PPFIA2: variants seen among roughly 807,000 people sequenced by gnomAD.
PPFIA2 encodes liprin-alpha-2.
PPFIA2 carries 46 observed loss-of-function variants against 175.5 expected under a neutral mutation model. The observed-to-expected ratio is 0.26, with a 90% CI of 0.21 to 0.34. The LOEUF is 0.34. PPFIA2 is among the 10% of genes least tolerant of loss of function. PPFIA2 has a pLI of 1.00. For synonymous variants in PPFIA2, 568 were observed against 511.4 expected (o/e 1.11, Z -1.49); for missense variants, 1,179 against 1,506.1 (o/e 0.78, Z 3.60).
At chr12:81,738,788 A>C (rs926287770) in intron 3 of PPFIA2, among the ~76,000 whole-genome samples, 3 of 151,976 alleles carry the variant, frequency 2.0e-5, no homozygotes. Flanking sequence ...TTAAAGAGAA[A>C]GATTATCAGT....
chr12:81,671,823 T>G (rs1192720351), intron 4 of PPFIA2, among the ~76,000 whole-genome samples: 1 of 152,004 alleles, frequency 6.6e-6, no homozygotes, highest in Non-Finnish European at 1.5e-5. Context: ...CCCCCATCAC[T>G]TGGCGAACTT....
chr12:81,375,051 G>A (rs1021969554), intron 10 of PPFIA2, among the ~76,000 whole-genome samples: 5 of 152,110 alleles, frequency 3.3e-5, no homozygotes. Flanking sequence ...ATATAGCTCA[G>A]TACTAAGACA....
At chr12:81,461,164 T>C (rs2054473201) in intron 4 of PPFIA2, among the ~76,000 whole-genome samples, 1 of 152,076 alleles carries the variant, frequency 6.6e-6, no homozygotes, top group African/African-American at 2.4e-5. Context: ...ATAGCAACTA[T>C]TAATACCACT....
chr12:81,648,768 C>CT (rs1421327075), intron 4 of PPFIA2, among the ~76,000 whole-genome samples: 2 of 151,578 alleles, frequency 1.3e-5, no homozygotes. Flanking sequence ...AATAATGACT[C>CT]TATTATTGGC....
At chr12:81,671,166 T>C (rs2071336854) in intron 4 of PPFIA2, among the ~76,000 whole-genome samples, 1 of 151,840 alleles carries the variant, frequency 6.6e-6, no homozygotes, top group Non-Finnish European at 1.5e-5. Context: ...ATCTCGTTGG[T>C]TTCTTGTCAC....
chr12:81,583,289 A>T (rs2074688725), intron 4 of PPFIA2, among the ~76,000 whole-genome samples: 2 of 151,842 alleles, frequency 1.3e-5, no homozygotes, highest in African/African-American at 2.4e-5. Flanking sequence ...AAGCCATTTG[A>T]TGTAAATTGT....
intron 22 of PPFIA2, among the ~76,000 whole-genome samples, chr12:81,302,422 A>T (rs1304772345): frequency 4.6e-5 from 7 of 152,280 alleles, no homozygotes; most frequent in African/African-American, 1.7e-4. Context: ...GAAATTATTG[A>T]GCAATCTGGC....
chr12:81,538,323 T>G (rs1348109981), intron 4 of PPFIA2, among the ~76,000 whole-genome samples: 1 of 151,602 alleles, frequency 6.6e-6, no homozygotes, highest in Non-Finnish European at 1.5e-5. Flanking sequence ...ATCAATCCAT[T>G]CCTCCATTAC....
At chr12:81,638,727 G>A (rs2064481760) in intron 4 of PPFIA2, among the ~76,000 whole-genome samples, 1 of 110,360 alleles carries the variant, frequency 9.1e-6, no homozygotes, top group Non-Finnish European at 1.7e-5. Context: ...TCGCTCTGTC[G>A]CCCAGGCTGG....
intron 3 of PPFIA2, among the ~76,000 whole-genome samples, chr12:81,710,563 G>A (rs989297550): frequency 6.6e-6 from 1 of 152,038 alleles, no homozygotes; most frequent in African/African-American, 2.4e-5. Context: ...CTTAAAATCA[G>A]AAGTGTTTCA....
chr12:81,275,986 A>G (rs932050207), intron 28 of PPFIA2, among the ~76,000 whole-genome samples: 17 of 151,988 alleles, frequency 1.1e-4, no homozygotes, highest in South Asian at 2.1e-4. Context: ...GGGTTTCACC[A>G]TGTTAGCCAG....
In PPFIA2 at chr12:81,655,195, T is replaced by G. The variant is rs147550397; in HGVS notation, c.303+21596A>C. ...TATTGTTTATCTGCACCTTCTCACTTGTTTATTTGATGAACCCGCCAGAGA... is the reference window on the plus strand; with the variant it reads ...TATTGTTTATCTGCACCTTCTCACTGGTTTATTTGATGAACCCGCCAGAGA... On this transcript the variant is annotated intron_variant, in intron 4 of 32. Coordinates refer to ENST00000549396, the MANE Select transcript of PPFIA2 (RefSeq NM_003625.5). 6.2e-4 allele frequency among the ~76,000 whole-genome samples: 94 copies of G among 152,104 alleles called. 3 individuals carry two copies. The East Asian group carries it at 0.017, about 27-fold the overall frequency.
intron 4 of PPFIA2, among the ~76,000 whole-genome samples, chr12:81,660,008 A>G (rs1002685006): frequency 6.6e-6 from 1 of 152,206 alleles, no homozygotes; most frequent in Non-Finnish European, 1.5e-5. Flanking sequence ...AAGGAAAACT[A>G]ACAAACAGAA....
At chr12:81,522,469 A>C (rs1567177630) in intron 4 of PPFIA2, among the ~76,000 whole-genome samples, 1 of 152,244 alleles carries the variant, frequency 6.6e-6, no homozygotes, top group Non-Finnish European at 1.5e-5. Flanking sequence ...GAGCGATTTA[A>C]ATACAAAAAT....
chr12:81,367,218 T>G (rs1352143297), intron 13 of PPFIA2, 48 bp from the exon 14 acceptor site: 6 of 1,143,384 alleles, frequency 5.2e-6, no homozygotes, highest in Non-Finnish European at 7.0e-6. Context: ...AAACATAAAA[T>G]ACTTAAAAAT....
At chr12:81,755,146 G>C (rs963101368) in intron 2 of PPFIA2, among the ~76,000 whole-genome samples, 7 of 152,080 alleles carry the variant, frequency 4.6e-5, no homozygotes, top group African/African-American at 1.7e-4. Flanking sequence ...CCAATCACAA[G>C]TTCTCAGTCA....
chr12:81,740,816 A>C (rs977689033), intron 3 of PPFIA2, among the ~76,000 whole-genome samples: 2 of 152,174 alleles, frequency 1.3e-5, no homozygotes, highest in Admixed American at 1.3e-4. Flanking sequence ...TGACAGAATA[A>C]CAATAAGAGC....
chr12:81,406,579 C>T (rs1426183912), intron 7 of PPFIA2, among the ~76,000 whole-genome samples: 2 of 151,892 alleles, frequency 1.3e-5, no homozygotes, highest in Non-Finnish European at 2.9e-5. Flanking sequence ...AACAAATTCT[C>T]GGGTACTTAT....
Position 81,330,774 on chromosome 12 carries a change from T to A in PPFIA2, c.2549-4904A>T, listed in dbSNP as rs190606616. ...CTTTCTTTCAGTAGAACTGTCTTCATCATTAATAAATAGCACATGGTTTGT... is the reference window on the plus strand; with the variant it reads ...CTTTCTTTCAGTAGAACTGTCTTCAACATTAATAAATAGCACATGGTTTGT... On this transcript the variant is annotated intron_variant, in intron 21 of 32. Transcript: ENST00000549396. 2.1e-4 allele frequency among the ~76,000 whole-genome samples: 32 copies of A among 152,322 alleles called. No homozygotes were observed. In the East Asian group the frequency reaches 6.0e-3, roughly 28 times the overall value.
Sources: allele counts gnomAD v4.1 joint callset (sites outside exome capture counted in the v4.1 genomes callset), GRCh38; gene constraint gnomAD v4.1.1; transcripts MANE v1.5; gene names NCBI Gene and HGNC (gene_info 2026-07-23, HGNC 2026-07-21).